ADAMTS20: variants seen among roughly 807,000 people sequenced by gnomAD.
The protein encoded by ADAMTS20 is A disintegrin and metalloproteinase with thrombospondin motifs 20.
Under a neutral mutation model 260.1 loss-of-function variants are expected in ADAMTS20, and 225 were observed. The observed-to-expected ratio is 0.87, with a 90% CI of 0.78 to 0.97. The LOEUF (loss-of-function observed/expected upper bound fraction) is 0.97. ADAMTS20 is among the 50% of genes least tolerant of loss of function. The pLI, the probability that ADAMTS20 is intolerant of heterozygous loss-of-function variation, is 0.00. For missense variants in ADAMTS20, 2,400 were observed against 2,337.7 expected (o/e 1.03, Z -0.55); for synonymous variants, 802 against 769.5 (o/e 1.04, Z -0.70).
intron 2 of ADAMTS20, among the ~76,000 whole-genome samples, chr12:43,540,667 T>A (rs2137520394): frequency 6.6e-6 from 1 of 152,232 alleles, no homozygotes; most frequent in Non-Finnish European, 1.5e-5. Flanking sequence ...TTCATAGAAT[T>A]GTACTTAGAT....
rs748715303 is a variant in ADAMTS20, at chr12:43,376,635, T to G, written c.5014A>C (p.Ile1672Leu). 4 of 1,612,740 alleles carry G rather than the reference T, an allele frequency of 2.5e-6. No homozygotes were observed. In the Admixed American group the frequency reaches 6.7e-5, roughly 27 times the overall value. ...KWSKCSVTCG[I>L]GIMKRQVKCI... ...TTCACTTGTCTCTTCATTATCCCAA[T>G]TCCACAAGTCACTGAGCACTGTGAA... Residue 1672 changes from isoleucine (I) to leucine (L), a missense_variant, in exon 33 of 39, where the codon ATT becomes CTT. By Grantham distance (5) the Ile-to-Leu change is conservative (BLOSUM62 2). Transcript: ENST00000389420.
At chr12:43,528,374 A>T (rs915382296) in intron 3 of ADAMTS20, among the ~76,000 whole-genome samples, 2 of 136,894 alleles carry the variant, frequency 1.5e-5, no homozygotes, top group Non-Finnish European at 3.3e-5. Flanking sequence ...AAAAAAAAAA[A>T]CACAAATCCG....
chr12:43,524,583 G>C (rs1943116117), intron 3 of ADAMTS20, among the ~76,000 whole-genome samples: 1 of 151,556 alleles, frequency 6.6e-6, no homozygotes, highest in South Asian at 2.1e-4. Flanking sequence ...AAGGTGAAAA[G>C]TAAAAACTAA....
At chr12:43,433,703 AACACACACACACACACACAC>A (rs56226241) in intron 19 of ADAMTS20, 17 of 357,962 alleles carry the variant, frequency 4.7e-5, no homozygotes, top group African/African-American at 1.6e-4. Flanking sequence ...TGCACACACA[AACACACACACACACACACAC>A]ACACACACAC....
intron 29 of ADAMTS20, among the ~76,000 whole-genome samples, chr12:43,384,826 C>T (rs1047163526): frequency 2.0e-5 from 3 of 152,068 alleles, no homozygotes; most frequent in Non-Finnish European, 2.9e-5. Flanking sequence ...ATGTTATATA[C>T]GTGCTGCATT....
At chr12:43,370,050 T>C (rs142516756) in intron 36 of ADAMTS20, among the ~76,000 whole-genome samples, 1 of 152,256 alleles carries the variant, frequency 6.6e-6, no homozygotes, top group African/African-American at 2.4e-5. Flanking sequence ...AATCAAATAT[T>C]ATCCCAACCA....
chr12:43,478,006 A>G (rs1301387040), intron 7 of ADAMTS20, among the ~76,000 whole-genome samples: 1 of 152,156 alleles, frequency 6.6e-6, no homozygotes, highest in Non-Finnish European at 1.5e-5. Flanking sequence ...AAAATCAAAG[A>G]CCATCAAACA....
intron 19 of ADAMTS20, 27 bp from the exon 20 acceptor site, chr12:43,432,838 G>C: frequency 6.5e-7 from 1 of 1,546,818 alleles, no homozygotes; most frequent in Non-Finnish European, 8.9e-7. Flanking sequence ...ACTATACTTA[G>C]GAGGTATATT....
At chr12:43,431,288 T>G in intron 22 of ADAMTS20, 44 bp downstream of exon 22, 1 of 1,590,724 alleles carries the variant, frequency 6.3e-7, no homozygotes, top group South Asian at 1.1e-5. Context: ...TGTGCTATTC[T>G]GTAAAGATAG....
At chr12:43,539,703 G>A (rs1379353753) in intron 2 of ADAMTS20, among the ~76,000 whole-genome samples, 1 of 152,086 alleles carries the variant, frequency 6.6e-6, no homozygotes, top group Non-Finnish European at 1.5e-5. Context: ...ATGGATCCAT[G>A]GAAAATCCTT....
intron 7 of ADAMTS20, among the ~76,000 whole-genome samples, chr12:43,484,253 T>G (rs1490333961): frequency 6.6e-6 from 1 of 152,064 alleles, no homozygotes; most frequent in Non-Finnish European, 1.5e-5. Context: ...GAAAAATAAT[T>G]CTGGCAATAT....
At chr12:43,407,751 C>A (rs556195596) in intron 28 of ADAMTS20, among the ~76,000 whole-genome samples, 1 of 152,034 alleles carries the variant, frequency 6.6e-6, no homozygotes, top group Non-Finnish European at 1.5e-5. Flanking sequence ...TCATTTCAAA[C>A]CTGCAAACAT....
At chr12:43,485,367 C>T (rs1218202928) in intron 7 of ADAMTS20, among the ~76,000 whole-genome samples, 1 of 151,840 alleles carries the variant, frequency 6.6e-6, no homozygotes, top group African/African-American at 2.4e-5. Flanking sequence ...TGATAAAATC[C>T]AACATCCCTT....
intron 3 of ADAMTS20, 51 bp downstream of exon 3, chr12:43,531,985 A>G: frequency 8.2e-7 from 1 of 1,213,204 alleles, no homozygotes; most frequent in Non-Finnish European, 1.1e-6. Context: ...ATAAAAAAAG[A>G]TTTAAATAGT....
chr12:43,451,269 ATT>A (rs1941859642), intron 14 of ADAMTS20, among the ~76,000 whole-genome samples: 1 of 152,194 alleles, frequency 6.6e-6, no homozygotes, highest in Admixed American at 6.5e-5. Context: ...TTTAGACCAC[ATT>A]CACTATCTTA....
chr12:43,492,764 A>G lies in ADAMTS20; in HGVS notation c.952-135T>C, dbSNP rs889193708. 23 of 945,994 alleles carry G rather than the reference A, an allele frequency of 2.4e-5. No homozygotes were observed. The African/African-American group carries it at 3.8e-4, about 16-fold the overall frequency. The allele number at this position is 945,994 out of a possible 1,614,324, so 58.6% of individuals were successfully genotyped here. On this transcript the variant is annotated intron_variant, in intron 5 of 38. Transcript: ENST00000389420. ...GAAGGAGTGACAGCATCTCTTCTTC[A>G]TATATTAACTATAACGTATTTTAGC...
chr12:43,399,819 T>C (rs1471756565), intron 28 of ADAMTS20, among the ~76,000 whole-genome samples: 1 of 152,114 alleles, frequency 6.6e-6, no homozygotes, highest in Non-Finnish European at 1.5e-5. Flanking sequence ...AAAAAATAAC[T>C]GAAGTCTTTT....
chr12:43,523,070 C>T (rs1226651639), intron 3 of ADAMTS20, among the ~76,000 whole-genome samples: 1 of 152,170 alleles, frequency 6.6e-6, no homozygotes, highest in East Asian at 1.9e-4. Flanking sequence ...TTAAAGGATT[C>T]TCTGGGGAAC....
intron 7 of ADAMTS20, among the ~76,000 whole-genome samples, chr12:43,476,063 C>T (rs966679064): frequency 8.7e-6 from 1 of 115,498 alleles, no homozygotes; most frequent in Non-Finnish European, 1.8e-5. Context: ...AGGCAACCTA[C>T]AACATGGGAG....
Sources: allele counts gnomAD v4.1 joint callset (sites outside exome capture counted in the v4.1 genomes callset), GRCh38; gene constraint gnomAD v4.1.1; transcripts MANE v1.5; gene names NCBI Gene and HGNC (gene_info 2026-07-23, HGNC 2026-07-21).